SPOP: variants seen among roughly 807,000 people sequenced by gnomAD.
SPOP encodes speckle type BTB/POZ protein, also known as speckle-type POZ protein.
In SPOP, 11 loss-of-function variants were observed where a neutral mutation model predicts 45.6. The ratio of observed to expected loss-of-function variants is 0.24; its 90% CI spans 0.15 to 0.40. The LOEUF (loss-of-function observed/expected upper bound fraction) is 0.40. SPOP is among the 10% of genes least tolerant of loss of function. The pLI, the probability that SPOP is intolerant of heterozygous loss-of-function variation, is 1.00. For synonymous variants in SPOP, 166 were observed against 166.3 expected, an observed-to-expected ratio of 1.00 and a Z score of 0.01; for missense variants, 152 against 465.6, an observed-to-expected ratio of 0.33 and a Z score of 6.20.
chr17:49,650,856 A>G (rs929718734), intron 1 of SPOP, among the ~76,000 whole-genome samples: 2 of 152,232 alleles, frequency 1.3e-5, no homozygotes, highest in African/African-American at 4.8e-5. Context: ...AAGGTGCTTC[A>G]CAAGAAAAGT....
chr17:49,659,586 T>C (rs1002604185), intron 1 of SPOP, among the ~76,000 whole-genome samples: 1 of 152,178 alleles, frequency 6.6e-6, no homozygotes, highest in Non-Finnish European at 1.5e-5. Context: ...ATTAGTAGAG[T>C]AGGCTAGTTT....
At chr17:49,608,039 A>T in intron 6 of SPOP, 110 bp from the exon 7 acceptor site, 8 of 853,764 alleles carry the variant, frequency 9.4e-6, no homozygotes, top group Non-Finnish European at 1.4e-5. Flanking sequence ...TGCTATAGGA[A>T]AGGTCTCTAC....
intron 5 of SPOP, among the ~76,000 whole-genome samples, 169 bp downstream of exon 5, chr17:49,618,809 CCAA>C (rs988865272): frequency 1.6e-4 from 24 of 152,222 alleles, no homozygotes; most frequent in African/African-American, 5.8e-4. Flanking sequence ...GCTGAGATGC[CCAA>C]CAACCTTGAA....
intron 1 of SPOP, among the ~76,000 whole-genome samples, chr17:49,650,887 A>G (rs2072835067): frequency 6.6e-6 from 1 of 152,252 alleles, no homozygotes; most frequent in African/African-American, 2.4e-5. Context: ...AAGGAATAAA[A>G]TAGCTCTGGA....
intron 5 of SPOP, chr17:49,612,784 G>GA (rs1395098759): frequency 1.3e-5 from 2 of 152,160 alleles, no homozygotes; most frequent in African/African-American, 4.8e-5. Context: ...CAAACCTTGA[G>GA]AATTAGCTCC....
At chr17:49,621,856 T>C in intron 3 of SPOP, 90 bp downstream of exon 3, 2 of 1,451,522 alleles carry the variant, frequency 1.4e-6, no homozygotes, top group South Asian at 2.5e-5. Flanking sequence ...CTGGCCTTCA[T>C]GGAAATTACA....
At chr17:49,650,353 G>A (rs1183038104) in intron 1 of SPOP, among the ~76,000 whole-genome samples, 1 of 152,036 alleles carries the variant, frequency 6.6e-6, no homozygotes, top group African/African-American at 2.4e-5. Context: ...GCTGAGGCGG[G>A]CAGATCACTT....
At chr17:49,620,146 G>C (rs1427034152) in intron 3 of SPOP, among the ~76,000 whole-genome samples, 5 of 151,048 alleles carry the variant, frequency 3.3e-5, no homozygotes, top group African/African-American at 1.2e-4. Context: ...CTCCAGCCTG[G>C]GTAACAAGAA....
At chr17:49,670,610 C>T (rs373046482) in intron 1 of SPOP, among the ~76,000 whole-genome samples, 3 of 152,140 alleles carry the variant, frequency 2.0e-5, no homozygotes, top group South Asian at 4.1e-4. Context: ...TAGTCCACTC[C>T]GAAACCCACT....
chr17:49,672,699 C>T (rs963817378), intron 1 of SPOP, among the ~76,000 whole-genome samples: 2 of 152,178 alleles, frequency 1.3e-5, no homozygotes, highest in Non-Finnish European at 2.9e-5. Context: ...GTAATCCCAG[C>T]ACTTTGGGAG....
intron 1 of SPOP, among the ~76,000 whole-genome samples, chr17:49,623,190 CAG>C (rs2072255430): frequency 6.6e-6 from 1 of 151,936 alleles, no homozygotes; most frequent in Non-Finnish European, 1.5e-5. Context: ...GTATTTTTAG[CAG>C]AGACGGGGTT....
Position 49,599,815 on chromosome 17 carries a change from G to A in SPOP, c.*563C>T. On this transcript the variant is annotated 3_prime_UTR_variant, in exon 10 of 10. Transcript: ENST00000504102. Reference sequence around the variant, plus strand: ...TGCAAACAATAAGTGCTAACAACAAGAGAGCTCTTCTGATGCTTGTATGGT... The same window carrying A: ...TGCAAACAATAAGTGCTAACAACAAAAGAGCTCTTCTGATGCTTGTATGGT... 1 of 211,246 alleles carries A rather than the reference G, an allele frequency of 4.7e-6. No homozygotes were observed. 13.1% of individuals were successfully genotyped at this position (211,246 alleles called of 1,614,324 possible). A position where few individuals can be genotyped will look rare whatever the true frequency, so the allele number is the denominator to read the frequency against.
chr17:49,645,912 T>C (rs2072750533), intron 1 of SPOP, among the ~76,000 whole-genome samples: 1 of 152,108 alleles, frequency 6.6e-6, no homozygotes, highest in Non-Finnish European at 1.5e-5. Flanking sequence ...GACCAACAGT[T>C]GCTTTCAACT....
chr17:49,601,868 T>C lies in SPOP; in HGVS notation c.977A>G (p.Asn326Ser). The C allele has an allele frequency of 1.2e-6, 2 of 1,613,944 alleles. No homozygotes were observed. The highest frequency in any genetic ancestry group is 1.7e-6 in the Non-Finnish European group (2 of 1,179,858). The change falls in exon 9 of 10, where the codon AAC becomes AGC. Residue 326 changes from asparagine (N) to serine (S), a missense_variant. Coordinates refer to ENST00000504102, the MANE Select transcript of SPOP (RefSeq NM_001007228.2). Reference sequence around the variant, plus strand: ...AACTTTGAAGATGCCAACTCACTAGTTGATGAAATCCACTGCCTGAGTTTT... The same window carrying C: ...AACTTTGAAGATGCCAACTCACTAGCTGATGAAATCCACTGCCTGAGTTTT... ...QLKTQAVDFI[N>S]YHASDVLETS...
At chr17:49,628,066 A>G (rs1300822623) in intron 1 of SPOP, among the ~76,000 whole-genome samples, 1 of 152,228 alleles carries the variant, frequency 6.6e-6, no homozygotes, top group African/African-American at 2.4e-5. Context: ...AAAATTTTAG[A>G]AAAGAGGAGA....
At chr17:49,661,455 A>G (rs999844684) in intron 1 of SPOP, among the ~76,000 whole-genome samples, 1 of 152,124 alleles carries the variant, frequency 6.6e-6, no homozygotes, top group Admixed American at 6.5e-5. Context: ...ATCTCTGCCA[A>G]TGGAAATCCA....
chr17:49,632,199 C>A (rs2072463407), intron 1 of SPOP, among the ~76,000 whole-genome samples: 3 of 152,186 alleles, frequency 2.0e-5, no homozygotes, highest in African/African-American at 7.2e-5. Context: ...TCCAGGCATA[C>A]TTTTAAAACA....
intron 1 of SPOP, among the ~76,000 whole-genome samples, chr17:49,660,876 G>T (rs2072978577): frequency 6.6e-6 from 1 of 152,190 alleles, no homozygotes; most frequent in Admixed American, 6.5e-5. Context: ...TGAGGCAGGA[G>T]AATGGTGTGA....
intron 1 of SPOP, among the ~76,000 whole-genome samples, chr17:49,662,013 CAAAAAAAAAA>C (rs11307294): frequency 7.0e-4 from 63 of 90,050 alleles, no homozygotes; most frequent in African/African-American, 2.8e-3. Context: ...AACTCCGTCT[CAAAAAAAAAA>C]AAAAAAAAAA....
Sources: allele counts gnomAD v4.1 joint callset (sites outside exome capture counted in the v4.1 genomes callset), GRCh38; gene constraint gnomAD v4.1.1; transcripts MANE v1.5; gene names NCBI Gene and HGNC (gene_info 2026-07-23, HGNC 2026-07-21).